The following CCR10 variants were observed in gnomAD, a reference collection of about 807,000 sequenced individuals.
CCR10 encodes C-C motif chemokine receptor 10, also known as C-C chemokine receptor type 10.
Under a neutral mutation model 11.9 loss-of-function variants are expected in CCR10, and 11 were observed. That is an observed-to-expected ratio of 0.92 (90% CI 0.58 to 1.53). The LOEUF is 1.53. CCR10 is among the 40% of genes most tolerant of loss of function. CCR10 has a pLI of 0.00. For synonymous variants in CCR10, 224 were observed against 245.4 expected (o/e 0.91, Z 0.81); for missense variants, 428 against 496.6 (o/e 0.86, Z 1.31).
Position 42,680,034 on chromosome 17 carries a change from A to G in CCR10, c.608T>C (p.Val203Ala). The change falls in exon 2 of 2, where the codon GTG becomes GCG. Residue 203 changes from valine to alanine, a missense_variant. Coordinates refer to ENST00000332438, the MANE Select transcript of CCR10 (RefSeq NM_016602.3). ...CTGCGCCACGGCGCTCGCCCCCTTC[A>G]CCGTCTGCGTGAGGCCCTCGGGGAA... ...LIFPEGLTQT[V>A]KGASAVAQVA... 2 of 1,591,260 alleles carry G rather than the reference A, an allele frequency of 1.3e-6. No individual in the cohort carries two copies. Among genetic ancestry groups the G allele is most frequent in the Non-Finnish European group, 1.7e-6 (2 of 1,173,302 alleles).
chr17:42,680,197 C>A lies in CCR10; in HGVS notation c.445G>T (p.Gly149Trp), dbSNP rs777785778. ...YVAIARALPA[G>W]PRPSTPGRAH... ...CGGCCGGGAGTGGAGGGCCGCGGCC[C>A]GGCTGGGAGCGCTCGCGCGATGGCC... The change falls in exon 2 of 2, where the codon GGG becomes TGG. Residue 149 changes from glycine (G) to tryptophan (W), a missense_variant. Transcript: ENST00000332438. 12 of 1,604,332 alleles carry A rather than the reference C, an allele frequency of 7.5e-6. No homozygotes were observed. The African/African-American group carries it at 1.5e-4, about 20-fold the overall frequency.
chr17:42,680,439 G>T lies in CCR10; in HGVS notation c.203C>A (p.Ala68Glu). 6.3e-7 allele frequency: 1 copy of T among 1,590,596 alleles called. No individual in the cohort carries two copies. Among genetic ancestry groups the T allele is most frequent in the Middle Eastern group, 1.7e-4 (1 of 5,908 alleles). ...GGGCGAGCGCGCTGCGCGTCGGGCT[G>T]CCAGGTGGGTGGCCAGGACCAGGCC... ...GNGLVLATHL[A>E]ARRAARSPTS... Residue 68 changes from alanine (A) to glutamate (E), a missense_variant, in exon 2 of 2, where the codon GCA becomes GAA. Transcript: ENST00000332438.
rs761904768 is a variant in CCR10 at position 42,680,218 on chromosome 17, T to A, written c.424A>T (p.Ile142Phe). 8.1e-6 allele frequency: 13 copies of A among 1,599,780 alleles called. No homozygotes were observed. The highest frequency in any genetic ancestry group is 1.1e-5 in the Non-Finnish European group (13 of 1,173,966). ...ACISADRYVA[I>F]ARALPAGPRP... Reference sequence around the variant, plus strand: ...GGCCCGGCTGGGAGCGCTCGCGCGATGGCCACGTAGCGGTCGGCGCTGATA... The same window carrying A: ...GGCCCGGCTGGGAGCGCTCGCGCGAAGGCCACGTAGCGGTCGGCGCTGATA... Residue 142 changes from isoleucine to phenylalanine, a missense_variant, in exon 2 of 2, where the codon ATC becomes TTC. Ile to Phe is a conservative substitution (Grantham distance 21). Coordinates refer to ENST00000332438, the MANE Select transcript of CCR10 (RefSeq NM_016602.3).
Position 42,679,454 on chromosome 17 carries a change from G to T in CCR10, c.*99C>A, listed in dbSNP as rs572129128. 1.3e-6 allele frequency: 1 copy of T among 745,290 alleles called. No homozygotes were observed. Among genetic ancestry groups the T allele is most frequent in the Non-Finnish European group, 2.1e-6 (1 of 479,962 alleles). 46.2% of individuals were successfully genotyped at this position (745,290 alleles called of 1,614,324 possible). ...TATCAATTTAATGTGGCAAGGCACA[G>T]AGGTAGTCCCTTTAGGTCCCTGCCT... is the stretch of plus-strand genomic sequence containing the variant. On this transcript the variant is annotated 3_prime_UTR_variant, in exon 2 of 2. Transcript: ENST00000332438.
Position 42,679,304 on chromosome 17 carries a change from G to C in CCR10, c.*249C>G, listed in dbSNP as rs577908360. ...GTCTTCCACTCAGAGAGCCAAGCGC[G>C]GGGCAGGGCGGGGGGTGGGGCGGGG... is the stretch of plus-strand genomic sequence containing the variant. On this transcript the variant is annotated 3_prime_UTR_variant, in exon 2 of 2. Transcript: ENST00000332438. The C allele has an allele frequency of 5.4e-6, 2 of 367,816 alleles. No homozygotes were observed. Among genetic ancestry groups the C allele is most frequent in the Non-Finnish European group, 9.7e-6 (2 of 206,856 alleles). 22.8% of individuals were successfully genotyped at this position (367,816 alleles called of 1,614,324 possible). A position where few individuals can be genotyped will look rare whatever the true frequency, so the allele number is the denominator to read the frequency against.
chr17:42,680,334 A>G lies in CCR10; in HGVS notation c.308T>C (p.Leu103Pro), dbSNP rs1206411887. 1.9e-6 allele frequency: 3 copies of G among 1,552,740 alleles called. No homozygotes were observed. The South Asian group carries it at 3.5e-5, about 18-fold the overall frequency. Reference sequence around the variant, plus strand: ...GGCACTTCCCAGACTCCAGCCCTGAAGAGCCCCTGCTGCCGCGAAGGGCAG... The same window carrying G: ...GGCACTTCCCAGACTCCAGCCCTGAGGAGCCCCTGCTGCCGCGAAGGGCAG... ...LTLPFAAAGA[L>P]QGWSLGSATC... Residue 103 changes from leucine to proline, a missense_variant, in exon 2 of 2, where the codon CTT becomes CCT. By Grantham distance (98) the Leu-to-Pro change is moderately conservative. Coordinates refer to ENST00000332438, the MANE Select transcript of CCR10 (RefSeq NM_016602.3).
chr17:42,679,639 G>C lies in CCR10; in HGVS notation c.1003C>G (p.Gln335Glu). 1.3e-6 allele frequency: 2 copies of C among 1,485,922 alleles called. No homozygotes were observed. The highest frequency in any genetic ancestry group is 5.1e-5 in the East Asian group (2 of 39,596). 92.0% of individuals were successfully genotyped at this position (1,485,922 alleles called of 1,614,324 possible). A position where few individuals can be genotyped will look rare whatever the true frequency, so the allele number is the denominator to read the frequency against. Reference sequence around the variant, plus strand: ...CGGCGGGGGCAGCCGCGGCGGGGTTGAGGCCCTGAGGGGCAGCTCCCACCC... The same window carrying C: ...CGGCGGGGGCAGCCGCGGCGGGGTTCAGGCCCTGAGGGGCAGCTCCCACCC... ...LRGGSCPSGP[Q>E]PRRGCPRRPR... The change falls in exon 2 of 2, where the codon CAA (glutamine) becomes GAA (glutamate). Residue 335 changes from glutamine (Q) to glutamate (E), a missense_variant. Physicochemically the swap from Gln to Glu is conservative, Grantham distance 29 (BLOSUM62 2). Coordinates refer to ENST00000332438, the MANE Select transcript of CCR10 (RefSeq NM_016602.3).
At chr17:42,681,679 C>T (rs1032402599) in intron 1 of CCR10, 121 bp downstream of exon 1, 167 of 780,022 alleles carry the variant, frequency 2.1e-4, no homozygotes, top group Non-Finnish European at 3.5e-4. Context: ...TCTGAGACAG[C>T]GCCAAGAATC....
chr17:42,679,526 C>G lies in CCR10; in HGVS notation c.*27G>C. 1 of 1,431,702 alleles carries G rather than the reference C, an allele frequency of 7.0e-7. No individual in the cohort carries two copies. 88.7% of individuals were successfully genotyped at this position (1,431,702 alleles called of 1,614,324 possible). On this transcript the variant is annotated 3_prime_UTR_variant, in exon 2 of 2. Coordinates refer to ENST00000332438, the MANE Select transcript of CCR10 (RefSeq NM_016602.3). ...TACTCCCCTTTCCCACGACCCTCAG[C>G]CTGCCCCCTCCTCTAGATTCGCAGC...
Position 42,680,274 on chromosome 17 carries a change from G to T in CCR10, c.368C>A (p.Ser123Tyr). 1 of 1,568,222 alleles carries T rather than the reference G, an allele frequency of 6.4e-7. No homozygotes were observed. Among genetic ancestry groups the T allele is most frequent in the South Asian group, 1.2e-5 (1 of 86,240 alleles). The change falls in exon 2 of 2, where the codon TCC becomes TAC. Residue 123 changes from serine to tyrosine, a missense_variant. Physicochemically the swap from Ser to Tyr is moderately radical, Grantham distance 144. Coordinates refer to ENST00000332438, the MANE Select transcript of CCR10 (RefSeq NM_016602.3). Reference protein sequence around the residue: ...CRTISGLYSASFHAGFLFLAC... With the variant: ...CRTISGLYSAYFHAGFLFLAC... ...CAGGAAGAGGAAGCCGGCGTGGAAG[G>T]AGGCCGAGTAGAGGCCAGAGATGGT... is the stretch of plus-strand genomic sequence containing the variant.
chr17:42,679,613 C>T lies in CCR10; in HGVS notation c.1029G>A (p.Arg343=). ...GPQPRRGCPR[R]PRLSSCSAPT... is the part of the protein sequence containing the mutation. ...GAGCTGAGCAGGAAGAAAGGCGGGG[C>T]CGGCGGGGGCAGCCGCGGCGGGGTT... is the stretch of plus-strand genomic sequence containing the variant. The change falls in exon 2 of 2, where the codon CGG becomes CGA. Residue 343 remains arginine, a synonymous_variant. Transcript: ENST00000332438. 1 of 1,482,524 alleles carries T rather than the reference C, an allele frequency of 6.7e-7. No individual in the cohort carries two copies. Among genetic ancestry groups the T allele is most frequent in the Non-Finnish European group, 8.9e-7 (1 of 1,121,560 alleles). The allele number at this position is 1,482,524 out of a possible 1,614,324, so 91.8% of individuals were successfully genotyped here.
Position 42,679,294 on chromosome 17 carries a change from A to G in CCR10, c.*259T>C. On this transcript the variant is annotated 3_prime_UTR_variant, in exon 2 of 2. Transcript: ENST00000332438. ...GGCCCTCAGCGTCTTCCACTCAGAG[A>G]GCCAAGCGCGGGGCAGGGCGGGGGG... The G allele has an allele frequency of 2.8e-6, 1 of 357,770 alleles. No homozygotes were observed. The highest frequency in any genetic ancestry group is 4.1e-5 in the East Asian group (1 of 24,280). 22.2% of individuals were successfully genotyped at this position (357,770 alleles called of 1,614,324 possible). A position where few individuals can be genotyped will look rare whatever the true frequency, so the allele number is the denominator to read the frequency against.
Position 42,679,946 on chromosome 17 carries a change from G to A in CCR10, c.696C>T (p.Arg232=). The change falls in exon 2 of 2, where the codon CGC becomes CGT. Residue 232 remains arginine (R), a synonymous_variant. Coordinates refer to ENST00000332438, the MANE Select transcript of CCR10 (RefSeq NM_016602.3). The part of the protein sequence containing the change: ...VMVACYALLG[R]TLLAARGPER... ...CGGGCCCCCTGGCGGCCAGCAGCGT[G>A]CGGCCCAGAAGCGCGTAGCAGGCTA... is the stretch of plus-strand genomic sequence containing the variant. 6.4e-7 allele frequency: 1 copy of A among 1,556,688 alleles called. No homozygotes were observed. The highest frequency in any genetic ancestry group is 8.6e-7 in the Non-Finnish European group (1 of 1,156,598).
At position 42,679,409 on chromosome 17, in the gene CCR10, G is replaced by T. The variant is rs1597799811; in HGVS notation, c.*144C>A. On this transcript the variant is annotated 3_prime_UTR_variant, in exon 2 of 2. Coordinates refer to ENST00000332438, the MANE Select transcript of CCR10 (RefSeq NM_016602.3). ...ACTCAAAAATAGTAACAGTTGTTGG[G>T]TTGCATCTCATTTCCATGTTATCAA... The T allele has an allele frequency of 1.9e-6, 1 of 540,510 alleles. No homozygotes were observed. Among genetic ancestry groups the T allele is most frequent in the East Asian group, 3.1e-5 (1 of 32,020 alleles). 33.5% of individuals were successfully genotyped at this position (540,510 alleles called of 1,614,324 possible). A position where few individuals can be genotyped will look rare whatever the true frequency, so the allele number is the denominator to read the frequency against.
chr17:42,679,844 G>A lies in CCR10; in HGVS notation c.798C>T (p.Ala266=). 1.9e-6 allele frequency: 3 copies of A among 1,606,078 alleles called. No individual in the cohort carries two copies. Among genetic ancestry groups the A allele is most frequent in the Non-Finnish European group, 2.5e-6 (3 of 1,178,038 alleles). ...FVVLQLPYSL[A]LLLDTADLLA... ...GTAGATCGGCAGTATCCAGCAGCAGGGCGAGGCTGTAGGGCAGCTGCAGCA... is the reference window on the plus strand; with the variant it reads ...GTAGATCGGCAGTATCCAGCAGCAGAGCGAGGCTGTAGGGCAGCTGCAGCA... The change falls in exon 2 of 2, where the codon GCC becomes GCT. Residue 266 remains alanine (A), a synonymous_variant. Transcript: ENST00000332438.
chr17:42,680,389 C>A lies in CCR10; in HGVS notation c.253G>T (p.Ala85Ser). The A allele has an allele frequency of 6.4e-7, 1 of 1,558,944 alleles. No homozygotes were observed. Among genetic ancestry groups the A allele is most frequent in the Non-Finnish European group, 8.7e-7 (1 of 1,151,484 alleles). The change falls in exon 2 of 2, where the codon GCC becomes TCC. Residue 85 changes from alanine to serine, a missense_variant. Physicochemically the swap from Ala to Ser is moderately conservative, Grantham distance 99. Coordinates refer to ENST00000332438, the MANE Select transcript of CCR10 (RefSeq NM_016602.3). ...AGGGCCAGCAAGAGGTCGGCCAGGG[C>A]CAGCTGGAGCAGGTGGGCAGAGGTG... The part of the protein sequence containing the change: ...SPTSAHLLQL[A>S]LADLLLALTL...
rs1450478833 is a variant in CCR10, at chr17:42,679,586, G to C, written c.1056C>G (p.Pro352=). Residue 352 remains proline (P), a synonymous_variant, in exon 2 of 2, where the codon CCC becomes CCG. Transcript: ENST00000332438. ...RRPRLSSCSA[P]TETHSLSWDN ...CCCAGGAGAGACTGTGGGTCTCCGT[G>C]GGAGCTGAGCAGGAAGAAAGGCGGG... 2.0e-6 allele frequency: 3 copies of C among 1,483,770 alleles called. No individual in the cohort carries two copies. Among genetic ancestry groups the C allele is most frequent in the South Asian group, 1.4e-5 (1 of 71,612 alleles). The allele number at this position is 1,483,770 out of a possible 1,614,324, so 91.9% of individuals were successfully genotyped here.
chr17:42,680,396 G>C lies in CCR10; in HGVS notation c.246C>G (p.Leu82=), dbSNP rs113372582. Residue 82 remains leucine (L), a synonymous_variant, in exon 2 of 2, where the codon CTC becomes CTG. Transcript: ENST00000332438. ...GCAAGAGGTCGGCCAGGGCCAGCTG[G>C]AGCAGGTGGGCAGAGGTGGGCGAGC... is the stretch of plus-strand genomic sequence containing the variant. ...AARSPTSAHL[L]QLALADLLLA... The C allele has an allele frequency of 1.9e-6, 3 of 1,561,532 alleles. No individual in the cohort carries two copies. Among genetic ancestry groups the C allele is most frequent in the African/African-American group, 2.7e-5 (2 of 73,530 alleles).
rs1429599127 is a variant in CCR10, at chr17:42,681,788, C to T, written c.24+12G>A. ...CTGTAACCCTTCTCCCCCTCCCTGC[C>T]CCCACTCCCACCTGCTCTGTGGCCT... On this transcript the variant is annotated intron_variant, in intron 1 of 1. Coordinates refer to ENST00000332438, the MANE Select transcript of CCR10 (RefSeq NM_016602.3). 2 of 1,602,670 alleles carry T rather than the reference C, an allele frequency of 1.2e-6. No individual in the cohort carries two copies. Among genetic ancestry groups the T allele is most frequent in the South Asian group, 1.1e-5 (1 of 90,810 alleles).
Sources: allele counts gnomAD v4.1 joint callset, GRCh38; gene constraint gnomAD v4.1.1; transcripts MANE v1.5; gene names NCBI Gene and HGNC (gene_info 2026-07-23, HGNC 2026-07-21).